NCAM2: variants seen among roughly 807,000 people sequenced by gnomAD.
NCAM2 encodes N-CAM-2.
Under a neutral mutation model 98.1 loss-of-function variants are expected in NCAM2, and 30 were observed. The observed-to-expected ratio is 0.31, with a 90% CI of 0.23 to 0.41. NCAM2 has a LOEUF of 0.41. Ranked by LOEUF, NCAM2 falls within the 10% of genes least tolerant of loss-of-function variation. The pLI is 1.00. For missense variants in NCAM2, 867 were observed against 1,005.8 expected, an observed-to-expected ratio of 0.86 and a Z score of 1.87; for synonymous variants, 368 against 342.4, an observed-to-expected ratio of 1.07 and a Z score of -0.83.
intron 9 of NCAM2, among the ~76,000 whole-genome samples, chr21:21,383,320 C>A (rs1013861496): frequency 2.0e-5 from 3 of 152,110 alleles, no homozygotes; most frequent in African/African-American, 4.8e-5. Flanking sequence ...GCTAAAATTT[C>A]TGTGGGTTTT....
At chr21:21,228,794 A>G (rs541668548) in intron 1 of NCAM2, among the ~76,000 whole-genome samples, 5 of 151,476 alleles carry the variant, frequency 3.3e-5, no homozygotes, top group South Asian at 2.1e-4. Flanking sequence ...TATTAGTCAT[A>G]TCTGCTGCAA....
intron 1 of NCAM2, among the ~76,000 whole-genome samples, chr21:21,114,945 A>G (rs1316559845): frequency 6.6e-6 from 1 of 151,610 alleles, no homozygotes; most frequent in Non-Finnish European, 1.5e-5. Flanking sequence ...CTCAGTCTCC[A>G]TAGTAGCTGG....
intron 1 of NCAM2, among the ~76,000 whole-genome samples, chr21:21,095,959 G>C (rs925460387): frequency 1.4e-5 from 2 of 140,590 alleles, no homozygotes; most frequent in Non-Finnish European, 3.2e-5. Flanking sequence ...AGATAAGAAA[G>C]AAGAAACTAT....
At chr21:21,169,439 C>G (rs1343300335) in intron 1 of NCAM2, among the ~76,000 whole-genome samples, 2 of 152,130 alleles carry the variant, frequency 1.3e-5, no homozygotes, top group Non-Finnish European at 2.9e-5. Flanking sequence ...ATTTGATAAT[C>G]TGGACTTCAT....
chr21:21,471,656 G>C (rs1043405791), intron 14 of NCAM2, among the ~76,000 whole-genome samples: 4 of 151,954 alleles, frequency 2.6e-5, no homozygotes, highest in African/African-American at 9.7e-5. Flanking sequence ...ATGTAATTTA[G>C]ACAATATATT....
chr21:21,198,008 A>C (rs950680209), intron 1 of NCAM2, among the ~76,000 whole-genome samples: 1 of 152,176 alleles, frequency 6.6e-6, no homozygotes, highest in African/African-American at 2.4e-5. Context: ...AATTATGTTA[A>C]TATTAAAACT....
intron 12 of NCAM2, among the ~76,000 whole-genome samples, chr21:21,451,439 G>A (rs1164149651): frequency 1.3e-5 from 2 of 152,198 alleles, no homozygotes; most frequent in South Asian, 2.1e-4. Flanking sequence ...ATGAACATGA[G>A]TAAACCTTCA....
At chr21:21,219,576 A>G (rs1040394410) in intron 1 of NCAM2, among the ~76,000 whole-genome samples, 5 of 152,246 alleles carry the variant, frequency 3.3e-5, no homozygotes, top group African/African-American at 1.2e-4. Context: ...TTGCCAGTCA[A>G]TAAACGCATA....
chr21:21,145,479 AAT>A (rs1236024054), intron 1 of NCAM2, among the ~76,000 whole-genome samples: 3 of 152,192 alleles, frequency 2.0e-5, no homozygotes, highest in Admixed American at 1.3e-4. Flanking sequence ...CAAAGTATGC[AAT>A]ATGTCTTATA....
chr21:21,106,136 G>A (rs2066340189), intron 1 of NCAM2, among the ~76,000 whole-genome samples: 1 of 151,896 alleles, frequency 6.6e-6, no homozygotes, highest in East Asian at 1.9e-4. Context: ...GCAAGACACA[G>A]TCTCTACAAA....
intron 1 of NCAM2, among the ~76,000 whole-genome samples, chr21:21,146,051 A>G: frequency 6.6e-6 from 1 of 152,190 alleles, no homozygotes; most frequent in East Asian, 1.9e-4. Flanking sequence ...GTTTTTTGAC[A>G]GTTTTTACAA....
chr21:21,479,555 G>A (rs1483272950), intron 15 of NCAM2, among the ~76,000 whole-genome samples: 1 of 109,316 alleles, frequency 9.1e-6, no homozygotes, highest in Non-Finnish European at 1.9e-5. Context: ...CTGCACTCCA[G>A]CCTGGGAGAC....
In NCAM2 at chr21:21,432,288, C is replaced by T; in HGVS notation, c.1654+7C>T. ...CGCTCCCATGGAGTTCAAAGTGAGTCAACAATTTCAAAATGTGTTGGTTAA... is the reference window on the plus strand; with the variant it reads ...CGCTCCCATGGAGTTCAAAGTGAGTTAACAATTTCAAAATGTGTTGGTTAA... On this transcript the variant is annotated splice_region_variant and intron_variant, in intron 12 of 17. Transcript: ENST00000400546. 1 of 1,610,234 alleles carries T rather than the reference C, an allele frequency of 6.2e-7. No homozygotes were observed.
intron 12 of NCAM2, among the ~76,000 whole-genome samples, chr21:21,435,262 C>A (rs8127601): frequency 0.04 from 6,139 of 152,120 alleles, 217 homozygotes; most frequent in East Asian, 0.13. Context: ...TTTCTTTCTC[C>A]TCATTTTAAA....
At chr21:21,278,024 A>G (rs991182726) in intron 1 of NCAM2, among the ~76,000 whole-genome samples, 1 of 152,184 alleles carries the variant, frequency 6.6e-6, no homozygotes, top group Non-Finnish European at 1.5e-5. Flanking sequence ...AAATTGAAGT[A>G]TGCTAATGTT....
intron 12 of NCAM2, among the ~76,000 whole-genome samples, chr21:21,435,407 A>C (rs554756576): frequency 6.6e-6 from 1 of 152,124 alleles, no homozygotes; most frequent in Admixed American, 6.5e-5. Flanking sequence ...ACTTACCTTC[A>C]CTTACTGGGA....
chr21:21,081,090 G>A lies in NCAM2; in HGVS notation c.55+82472G>A, dbSNP rs188717343. ...CCTGGTTCTTCCATTGGGGTGGGCT[G>A]TCCACGTGCACAGTGGCCTGCTTGC... On this transcript the variant is annotated intron_variant, in intron 1 of 17. Transcript: ENST00000400546. 2.6e-5 allele frequency among the ~76,000 whole-genome samples: 4 copies of A among 152,240 alleles called. No individual in the cohort carries two copies. In the East Asian group the frequency reaches 5.8e-4, roughly 22 times the overall value.
At chr21:21,380,380 T>TG (rs2076128423) in intron 9 of NCAM2, among the ~76,000 whole-genome samples, 3 of 152,192 alleles carry the variant, frequency 2.0e-5, no homozygotes, top group Admixed American at 2.0e-4. Context: ...ATACTTTGTG[T>TG]GTTGTGTTAC....
intron 9 of NCAM2, among the ~76,000 whole-genome samples, chr21:21,377,630 A>G (rs1216139536): frequency 6.6e-6 from 1 of 151,914 alleles, no homozygotes; most frequent in African/African-American, 2.4e-5. Flanking sequence ...TTATATGTAT[A>G]TAGTGTTAAA....
Sources: gnomAD v4.1 joint callset for allele counts (sites outside exome capture counted in the v4.1 genomes callset) on GRCh38, gnomAD v4.1.1 for gene constraint, MANE v1.5 for transcripts, NCBI Gene and HGNC (gene_info 2026-07-23, HGNC 2026-07-21) for gene names.